RALGPS2: variants seen among roughly 807,000 people sequenced by gnomAD.
RALGPS2 encodes Ral GEF with PH domain and SH3 binding motif 2, also known as ras-specific guanine nucleotide-releasing factor RalGPS2.
RALGPS2 carries 43 observed loss-of-function variants against 86.8 expected under a neutral mutation model. The ratio of observed to expected loss-of-function variants is 0.50; its 90% CI spans 0.39 to 0.64. RALGPS2 has a LOEUF of 0.64. Among genes scored for constraint, RALGPS2 ranks in the 30% least tolerant of loss-of-function variants. The pLI, the probability that RALGPS2 is intolerant of heterozygous loss-of-function variation, is 0.00. For synonymous variants in RALGPS2, 243 were observed against 231.3 expected (o/e 1.05, Z -0.46); for missense variants, 536 against 694.6 (o/e 0.77, Z 2.57).
At chr1:178,771,586 T>G (rs535957843) in intron 1 of RALGPS2, among the ~76,000 whole-genome samples, 25 of 152,348 alleles carry the variant, frequency 1.6e-4, no homozygotes, top group Admixed American at 1.6e-3. Context: ...TTTTTTTTCT[T>G]GTAACTAGTA....
rs546134954 is a variant in RALGPS2 at position 178,851,211 on chromosome 1, T to C, written c.607+17661T>C. On this transcript the variant is annotated intron_variant, in intron 8 of 19. Coordinates refer to ENST00000367635, the MANE Select transcript of RALGPS2 (RefSeq NM_152663.5). ...GTATTCGGCCCAGAAAATTCCATCT[T>C]GGTGCTTGCTTCTGTAATGGCCTCC... 6 of 1,614,058 alleles carry C rather than the reference T, an allele frequency of 3.7e-6. No individual in the cohort carries two copies. The South Asian group carries it at 6.6e-5, about 18-fold the overall frequency.
intron 1 of RALGPS2, among the ~76,000 whole-genome samples, chr1:178,774,724 G>A (rs1044600941): frequency 2.6e-5 from 4 of 152,120 alleles, no homozygotes; most frequent in Non-Finnish European, 5.9e-5. Flanking sequence ...TTTCTAAGTA[G>A]GTGCGTTAAA....
Position 178,886,019 on chromosome 1 carries a change from A to G in RALGPS2, c.1091A>G (p.Asn364Ser), listed in dbSNP as rs1254895381. The G allele has an allele frequency of 6.2e-7, 1 of 1,612,628 alleles. No homozygotes were observed. The part of the protein sequence containing the change: ...TAEFKSATFP[N>S]AGPRHLLDDS... ...GAATTTAAGAGTGCAACGTTTCCAA[A>G]TGCAGGACCAAGACATCTGTTAGAT... Residue 364 changes from asparagine (N) to serine (S), a missense_variant, in exon 13 of 20, where the codon AAT (asparagine) becomes AGT (serine). Transcript: ENST00000367635.
chr1:178,869,131 T>G (rs1356190559), intron 8 of RALGPS2: 1 of 152,104 alleles, frequency 6.6e-6, no homozygotes. Flanking sequence ...TTTAAGTCTT[T>G]ACTTAGTTGT....
chr1:178,815,487 T>C (rs945404097), intron 6 of RALGPS2, among the ~76,000 whole-genome samples: 5 of 152,196 alleles, frequency 3.3e-5, no homozygotes, highest in African/African-American at 4.8e-5. Flanking sequence ...TACCACTTTT[T>C]TCGTATTTTC....
In RALGPS2 at chr1:178,917,254, G is replaced by A. The variant is rs1029029283; in HGVS notation, c.*895G>A. 3.3e-5 allele frequency: 5 copies of A among 152,098 alleles called. No homozygotes were observed. Among genetic ancestry groups the A allele is most frequent in the Non-Finnish European group, 5.9e-5 (4 of 68,008 alleles). 9.4% of individuals were successfully genotyped at this position (152,098 alleles called of 1,614,324 possible). A position where few individuals can be genotyped will look rare whatever the true frequency, so the allele number is the denominator to read the frequency against. On this transcript the variant is annotated 3_prime_UTR_variant, in exon 20 of 20. Coordinates refer to ENST00000367635, the MANE Select transcript of RALGPS2 (RefSeq NM_152663.5). ...CTTTTCTGAGATTTTACAATAATTA[G>A]ATCTTTTTCCAAGTTAATTGGGTTT... is the stretch of plus-strand genomic sequence containing the variant.
At chr1:178,884,647 AT>A (rs1297579386) in intron 11 of RALGPS2, among the ~76,000 whole-genome samples, 1 of 152,146 alleles carries the variant, frequency 6.6e-6, no homozygotes, top group Non-Finnish European at 1.5e-5. Flanking sequence ...GTCAGTGTAG[AT>A]TTAATTTCTG....
chr1:178,900,512 C>T (rs1660127627), intron 17 of RALGPS2, among the ~76,000 whole-genome samples: 1 of 152,012 alleles, frequency 6.6e-6, no homozygotes, highest in South Asian at 2.1e-4. Flanking sequence ...CAGTATTTAG[C>T]TTGGTAATAA....
At chr1:178,777,014 A>G (rs535809698) in intron 2 of RALGPS2, among the ~76,000 whole-genome samples, 193 bp downstream of exon 2, 2 of 151,684 alleles carry the variant, frequency 1.3e-5, no homozygotes, top group East Asian at 1.9e-4. Flanking sequence ...GGTTAGTTAC[A>G]TATGTATACG....
At chr1:178,834,039 A>G (rs7537529) in intron 8 of RALGPS2, among the ~76,000 whole-genome samples, 1 of 152,122 alleles carries the variant, frequency 6.6e-6, no homozygotes, top group African/African-American at 2.4e-5. Context: ...CATCTCATCT[A>G]ATTAAGAATT....
At chr1:178,891,227 A>G (rs1659699684) in intron 14 of RALGPS2, among the ~76,000 whole-genome samples, 1 of 152,118 alleles carries the variant, frequency 6.6e-6, no homozygotes, top group Non-Finnish European at 1.5e-5. Context: ...TTCTTATGCC[A>G]AGTTTAAAAT....
At chr1:178,913,633 T>C (rs146002376) in intron 19 of RALGPS2, among the ~76,000 whole-genome samples, 4 of 152,362 alleles carry the variant, frequency 2.6e-5, no homozygotes, top group Admixed American at 2.6e-4. Flanking sequence ...TTGAAGTTGC[T>C]GACTTTTGGA....
At chr1:178,777,620 T>C (rs1653161740) in intron 2 of RALGPS2, among the ~76,000 whole-genome samples, 1 of 150,480 alleles carries the variant, frequency 6.6e-6, no homozygotes, top group African/African-American at 2.4e-5. Context: ...GCTGGAGGCA[T>C]CACACTACCT....
rs199707606 is a variant in RALGPS2, at chr1:178,896,467, C to T, written c.1432-1197C>T. On this transcript the variant is annotated intron_variant, in intron 16 of 19. Coordinates refer to ENST00000367635, the MANE Select transcript of RALGPS2 (RefSeq NM_152663.5). ...AAGCAAACTTCTTTATTTTTTTTTT[C>T]TTTTTTTTTTTTTATTATACTTTAA... 2.9e-3 allele frequency among the ~76,000 whole-genome samples: 403 copies of T among 136,858 alleles called. 1 individual carries two copies. Among genetic ancestry groups the T allele is most frequent in the African/African-American group, 9.3e-3 (349 of 37,550 alleles). The allele number at this position is 136,858 out of a possible 152,430, so 89.8% of individuals were successfully genotyped here. A position where few individuals can be genotyped will look rare whatever the true frequency, so the allele number is the denominator to read the frequency against.
chr1:178,833,310 G>A, intron 7 of RALGPS2, 114 bp from the exon 8 acceptor site: 1 of 995,294 alleles, frequency 1.0e-6, no homozygotes, highest in Non-Finnish European at 1.3e-6. Context: ...AATTAAAGAA[G>A]ATATAACTTT....
Position 178,902,122 on chromosome 1 carries a change from A to T in RALGPS2, c.1541A>T (p.Asn514Ile). The T allele has an allele frequency of 6.2e-7, 1 of 1,612,278 alleles. No homozygotes were observed. The highest frequency in any genetic ancestry group is 1.1e-5 in the South Asian group (1 of 90,998). The stretch of plus-strand genomic sequence containing the variant: ...TTCTCTCAGTTCAAATCAACATCCA[A>T]TAAGAACGTATCTGTGATAGGATGG... The part of the protein sequence containing the change: ...TERKHFKSTS[N>I]KNVSVIGWMV... Residue 514 changes from asparagine to isoleucine, a missense_variant, in exon 18 of 20, where the codon AAT becomes ATT. Physicochemically the swap from Asn to Ile is moderately radical, Grantham distance 149 (BLOSUM62 -3). Coordinates refer to ENST00000367635, the MANE Select transcript of RALGPS2 (RefSeq NM_152663.5).
intron 1 of RALGPS2, among the ~76,000 whole-genome samples, chr1:178,735,600 TC>T (rs368397767): frequency 0.38 from 48,578 of 128,158 alleles, 9,066 homozygotes; most frequent in African/African-American, 0.5. Context: ...ATTTTTGTAT[TC>T]TTTTTTTTTT....
At chr1:178,849,565 A>G (rs1037707138) in intron 8 of RALGPS2, 2 of 152,234 alleles carry the variant, frequency 1.3e-5, no homozygotes, top group East Asian at 1.9e-4. Flanking sequence ...AGTTTTATTC[A>G]CTTAAGATTT....
intron 4 of RALGPS2, among the ~76,000 whole-genome samples, chr1:178,794,933 A>C (rs1489324836): frequency 1.3e-5 from 2 of 152,216 alleles, no homozygotes; most frequent in Non-Finnish European, 2.9e-5. Context: ...TAATCTCAGC[A>C]CATTGGAAGG....
Sources: allele counts gnomAD v4.1 joint callset (sites outside exome capture counted in the v4.1 genomes callset), GRCh38; gene constraint gnomAD v4.1.1; transcripts MANE v1.5; gene names NCBI Gene and HGNC (gene_info 2026-07-23, HGNC 2026-07-21).